Variants in FGF13 observed in about 807,000 individuals in gnomAD.
The protein encoded by FGF13 is fibroblast growth factor homologous factor 2.
FGF13 carries 2 observed loss-of-function variants against 19.5 expected under a neutral mutation model. That is an observed-to-expected ratio of 0.10 (90% CI 0.04 to 0.32). The LOEUF (loss-of-function observed/expected upper bound fraction) is 0.32. Among genes scored for constraint, FGF13 ranks in the 10% least tolerant of loss-of-function variants. FGF13 has a pLI of 1.00. For missense variants in FGF13, 113 were observed against 192.7 expected (o/e 0.59, Z 2.45); for synonymous variants, 72 against 76.9 (o/e 0.94, Z 0.33).
chrX:138,962,046 A>G (rs1342032758), intron 1 of FGF13, among the ~76,000 whole-genome samples: 3 of 112,187 alleles, frequency 2.7e-5, no homozygotes, highest in Non-Finnish European at 5.6e-5. Flanking sequence ...CTACCATCAG[A>G]GTGAATAGGC....
intron 3 of FGF13, among the ~76,000 whole-genome samples, chrX:138,779,788 C>T (rs1456880928): frequency 2.8e-5 from 3 of 105,800 alleles, no homozygotes; most frequent in Non-Finnish European, 3.9e-5. Flanking sequence ...GGCAGGCCAA[C>T]GTTCAGATTC....
At chrX:139,077,866 T>G (rs2083342449) in intron 1 of FGF13, among the ~76,000 whole-genome samples, 1 of 111,650 alleles carries the variant, frequency 9.0e-6, no homozygotes, top group African/African-American at 3.2e-5. Flanking sequence ...GTTACCCATT[T>G]GAAAAATGAA....
chrX:138,881,990 T>A (rs1404892032), intron 1 of FGF13, among the ~76,000 whole-genome samples: 1 of 110,450 alleles, frequency 9.1e-6, no homozygotes, highest in Non-Finnish European at 1.9e-5. Context: ...AGGTGTAAAG[T>A]TAGGTTATTG....
intron 1 of FGF13, among the ~76,000 whole-genome samples, chrX:139,149,612 C>T (rs2083916863): frequency 8.9e-6 from 1 of 112,106 alleles, no homozygotes; most frequent in South Asian, 3.7e-4. Flanking sequence ...CTTGATAACA[C>T]TGTTGGATAG....
intron 1 of FGF13, among the ~76,000 whole-genome samples, chrX:139,130,498 T>G (rs1245067697): frequency 8.9e-6 from 1 of 112,242 alleles, no homozygotes; most frequent in Non-Finnish European, 1.9e-5. Flanking sequence ...TTATACCAAC[T>G]AATATTTGAT....
chrX:139,129,866 C>T (rs752022103), intron 1 of FGF13, among the ~76,000 whole-genome samples: 1 of 111,602 alleles, frequency 9.0e-6, no homozygotes, highest in South Asian at 3.8e-4. Flanking sequence ...AGGGCAAGTC[C>T]CTGATGTTCC....
At chrX:138,958,498 T>A (rs1399453670) in intron 1 of FGF13, among the ~76,000 whole-genome samples, 1 of 111,739 alleles carries the variant, frequency 8.9e-6, no homozygotes, top group African/African-American at 3.3e-5. Context: ...TTGTTGTGTC[T>A]CTGCCAGGCT....
At chrX:138,828,052 A>AT (rs1331018877) in intron 3 of FGF13, among the ~76,000 whole-genome samples, 1 of 111,996 alleles carries the variant, frequency 8.9e-6, no homozygotes, top group Admixed American at 9.5e-5. Flanking sequence ...GACCTTCAGA[A>AT]TATCATGTAC....
At position 138,929,706 on chromosome X, in the gene FGF13, A is replaced by G. The variant is rs760013530; in HGVS notation, c.-112-65056T>C. Among the ~76,000 whole-genome samples the G allele has an allele frequency of 2.7e-5, 3 of 110,293 alleles. No homozygotes were observed. In the East Asian group the frequency reaches 8.7e-4, roughly 32 times the overall value. ...GTGCCTAAAATATACCCCCATTTCT[A>G]CTTAGTCCAGTTCAAACTCCTCTAT... On this transcript the variant is annotated intron_variant, in intron 1 of 2. Transcript: ENST00000421460.
rs151131004 is a variant in FGF13 at position 138,958,266 on chromosome X, T to A, written c.-112-93616A>T. On this transcript the variant is annotated intron_variant, in intron 1 of 2. Transcript: ENST00000421460. Reference sequence around the variant, plus strand: ...GTTGAATTTTGTCAAAGGCCTTTTCTGCATCGATTGAGATAATCATGTGGT... The same window carrying A: ...GTTGAATTTTGTCAAAGGCCTTTTCAGCATCGATTGAGATAATCATGTGGT... Among the ~76,000 whole-genome samples the A allele has an allele frequency of 4.6e-3, 518 of 112,052 alleles. 4 individuals carry two copies. The highest frequency in any genetic ancestry group is 0.016 in the African/African-American group (488 of 30,853).
chrX:138,772,018 G>GTATATATATATATATA (rs56411673), intron 3 of FGF13, among the ~76,000 whole-genome samples: 3 of 56,546 alleles, frequency 5.3e-5, no homozygotes, highest in Admixed American at 4.7e-4. Context: ...ATACATATGT[G>GTATATATATATATATA]TATATATATA....
intron 1 of FGF13, among the ~76,000 whole-genome samples, chrX:139,140,073 G>A (rs1209416912): frequency 9.0e-6 from 1 of 111,002 alleles, no homozygotes; most frequent in Non-Finnish European, 1.9e-5. Context: ...CCATAATCCA[G>A]GACTTCATTT....
intron 1 of FGF13, among the ~76,000 whole-genome samples, chrX:138,966,417 G>GTGAGA (rs2124311232): frequency 8.9e-6 from 1 of 112,279 alleles, no homozygotes; most frequent in African/African-American, 3.2e-5. Flanking sequence ...TAACCTGGAT[G>GTGAGA]TGAGATGAGA....
At chrX:138,995,480 C>T (rs761682661) in intron 1 of FGF13, among the ~76,000 whole-genome samples, 1 of 111,305 alleles carries the variant, frequency 9.0e-6, no homozygotes, top group Non-Finnish European at 1.9e-5. Context: ...ACAGCCCTCC[C>T]CCAACTAGTG....
chrX:138,704,375 T>C (rs1168338262), intron 2 of FGF13, among the ~76,000 whole-genome samples: 1 of 112,069 alleles, frequency 8.9e-6, no homozygotes, highest in African/African-American at 3.2e-5. Flanking sequence ...AACGTAGTGC[T>C]TGCCACACAC....
At chrX:139,071,648 T>C (rs2092376884) in intron 1 of FGF13, among the ~76,000 whole-genome samples, 1 of 111,682 alleles carries the variant, frequency 9.0e-6, no homozygotes, top group Admixed American at 9.6e-5. Flanking sequence ...TAAATTTCCA[T>C]TACAGTCCAC....
chrX:138,796,024 T>C (rs1449250182), intron 3 of FGF13, among the ~76,000 whole-genome samples: 1 of 111,295 alleles, frequency 9.0e-6, no homozygotes, highest in Non-Finnish European at 1.9e-5. Context: ...CACATTCTTC[T>C]TGAATTTTTT....
At chrX:138,906,021 T>C (rs1394010830) in intron 1 of FGF13, among the ~76,000 whole-genome samples, 1 of 111,308 alleles carries the variant, frequency 9.0e-6, no homozygotes, top group African/African-American at 3.3e-5. Flanking sequence ...ATGGTCATTT[T>C]ATCGAAAGAG....
At chrX:139,080,510 T>G (rs142774162) in intron 1 of FGF13, among the ~76,000 whole-genome samples, 1,376 of 111,863 alleles carry the variant, frequency 0.012, 27 homozygotes, top group African/African-American at 0.042. Context: ...ATTCCCAGGC[T>G]CCTGTCTTCC....
Sources: allele counts gnomAD v4.1 joint callset (sites outside exome capture counted in the v4.1 genomes callset), GRCh38; gene constraint gnomAD v4.1.1; transcripts MANE v1.5; gene names NCBI Gene and HGNC (gene_info 2026-07-23, HGNC 2026-07-21).